Variants in TRDN observed in about 807,000 individuals in gnomAD.
TRDN encodes the protein triadin in skeletal muscle.
In TRDN, 161 loss-of-function variants were observed where a neutral mutation model predicts 149.7. That is an observed-to-expected ratio of 1.08 (90% CI 0.95 to 1.23). The LOEUF is 1.23. Among genes scored for constraint, TRDN ranks in the 50% most tolerant of loss-of-function variants. The pLI is 0.00. For synonymous variants in TRDN, 294 were observed against 250.5 expected (o/e 1.17, Z -1.64); for missense variants, 896 against 823.5 (o/e 1.09, Z -1.08).
intron 1 of TRDN, among the ~76,000 whole-genome samples, chr6:123,630,885 A>G (rs950128670): frequency 6.6e-6 from 1 of 151,900 alleles, no homozygotes; most frequent in Non-Finnish European, 1.5e-5. Flanking sequence ...TGGCCATATT[A>G]TTTTTAATTA....
At chr6:123,247,503 C>T (rs1776225680) in intron 38 of TRDN, among the ~76,000 whole-genome samples, 1 of 152,028 alleles carries the variant, frequency 6.6e-6, no homozygotes, top group East Asian at 1.9e-4. Flanking sequence ...TTCACAATTG[C>T]TACAAAGAGA....
intron 31 of TRDN, among the ~76,000 whole-genome samples, chr6:123,268,654 T>C (rs1186138402): frequency 1.3e-5 from 2 of 152,136 alleles, no homozygotes; most frequent in East Asian, 3.9e-4. Context: ...CCCCAAATTA[T>C]GCACCAACAC....
intron 9 of TRDN, among the ~76,000 whole-genome samples, chr6:123,481,449 A>G (rs1457792850): frequency 6.6e-6 from 1 of 150,496 alleles, no homozygotes; most frequent in Non-Finnish European, 1.5e-5. Context: ...AGTGGCAGGG[A>G]CCCTCTGTTT....
intron 9 of TRDN, among the ~76,000 whole-genome samples, chr6:123,495,142 C>A (rs960319013): frequency 9.2e-5 from 14 of 152,126 alleles, no homozygotes; most frequent in African/African-American, 3.4e-4. Flanking sequence ...CAGCCCCAAC[C>A]TCCTGGGCCC....
chr6:123,272,621 A>T (rs1162137908), intron 29 of TRDN, among the ~76,000 whole-genome samples: 1 of 152,080 alleles, frequency 6.6e-6, no homozygotes, highest in Admixed American at 6.6e-5. Flanking sequence ...ATATTTTAAT[A>T]AGCCAATCTG....
intron 12 of TRDN, among the ~76,000 whole-genome samples, chr6:123,406,857 T>G (rs1171770890): frequency 6.6e-6 from 1 of 152,078 alleles, no homozygotes; most frequent in African/African-American, 2.4e-5. Flanking sequence ...AAAACAAAAA[T>G]TGTCGTCTTT....
At chr6:123,584,467 A>G (rs1182413157) in intron 1 of TRDN, among the ~76,000 whole-genome samples, 1 of 152,092 alleles carries the variant, frequency 6.6e-6, no homozygotes, top group Non-Finnish European at 1.5e-5. Flanking sequence ...CTCTTGTGTA[A>G]GAATTCTGAC....
chr6:123,281,536 T>C (rs1434394502), intron 24 of TRDN, among the ~76,000 whole-genome samples: 1 of 152,070 alleles, frequency 6.6e-6, no homozygotes, highest in Non-Finnish European at 1.5e-5. Flanking sequence ...GGATAATACA[T>C]AGTCATATTT....
At chr6:123,378,936 C>A (rs758574450) in intron 16 of TRDN, among the ~76,000 whole-genome samples, 1 of 152,110 alleles carries the variant, frequency 6.6e-6, no homozygotes, top group South Asian at 2.1e-4. Flanking sequence ...ATAATAAGTA[C>A]TAATTTTATA....
chr6:123,368,174 T>C (rs1781186263), intron 19 of TRDN, among the ~76,000 whole-genome samples: 2 of 152,180 alleles, frequency 1.3e-5, no homozygotes, highest in Admixed American at 1.3e-4. Flanking sequence ...TGTATAGAAG[T>C]AATGCATATT....
intron 1 of TRDN, among the ~76,000 whole-genome samples, chr6:123,610,999 G>T (rs571230245): frequency 1.3e-5 from 2 of 152,134 alleles, no homozygotes; most frequent in Non-Finnish European, 2.9e-5. Context: ...ACTTTAAGCT[G>T]CTGAGTGTGA....
chr6:123,519,683 C>T (rs1264861479), intron 5 of TRDN, among the ~76,000 whole-genome samples: 1 of 151,204 alleles, frequency 6.6e-6, no homozygotes, highest in Non-Finnish European at 1.5e-5. Flanking sequence ...CTAGAACATA[C>T]TTGACTTTAG....
At chr6:123,345,661 T>C (rs1022603693) in intron 21 of TRDN, among the ~76,000 whole-genome samples, 2 of 152,104 alleles carry the variant, frequency 1.3e-5, no homozygotes, top group Non-Finnish European at 2.9e-5. Flanking sequence ...AATTGGCAGC[T>C]TGACAATACT....
intron 20 of TRDN, among the ~76,000 whole-genome samples, chr6:123,365,241 A>G (rs1306133893): frequency 1.3e-5 from 2 of 152,294 alleles, no homozygotes; most frequent in Admixed American, 6.5e-5. Context: ...TTTTTCTTAA[A>G]GAATTCACTA....
At chr6:123,463,476 T>A (rs1357069519) in intron 10 of TRDN, among the ~76,000 whole-genome samples, 1 of 152,104 alleles carries the variant, frequency 6.6e-6, no homozygotes, top group Non-Finnish European at 1.5e-5. Flanking sequence ...TGCTACTTGG[T>A]GTTTTATGAG....
chr6:123,606,948 T>A (rs764656910), intron 1 of TRDN, among the ~76,000 whole-genome samples: 4 of 152,154 alleles, frequency 2.6e-5, no homozygotes, highest in Non-Finnish European at 4.4e-5. Flanking sequence ...GATACTGAGG[T>A]CCCCTGGGAA....
intron 7 of TRDN, among the ~76,000 whole-genome samples, chr6:123,507,215 C>A (rs1055581613): frequency 4.0e-5 from 6 of 151,886 alleles, no homozygotes; most frequent in East Asian, 1.9e-4. Context: ...TATTTGCTTA[C>A]TCTAAATGAC....
In TRDN at chr6:123,605,848, T is replaced by C. The variant is rs567122892; in HGVS notation, c.22+30906A>G. ...GTAAAATTTATAACCATAGTTTAAT[T>C]AACTTTTATGCCTATTAAGCCTCCT... On this transcript the variant is annotated intron_variant, in intron 1 of 40. Coordinates refer to ENST00000334268, the MANE Select transcript of TRDN (RefSeq NM_006073.4). 2.4e-4 allele frequency among the ~76,000 whole-genome samples: 37 copies of C among 152,260 alleles called. 1 individual carries two copies. The South Asian group carries it at 7.7e-3, about 32-fold the overall frequency.
At chr6:123,589,825 C>T (rs1345152611) in intron 1 of TRDN, among the ~76,000 whole-genome samples, 1 of 152,134 alleles carries the variant, frequency 6.6e-6, no homozygotes, top group East Asian at 1.9e-4. Context: ...TTGTAGATTC[C>T]TCATATTGCC....
Sources: allele counts gnomAD v4.1 joint callset (sites outside exome capture counted in the v4.1 genomes callset), GRCh38; gene constraint gnomAD v4.1.1; transcripts MANE v1.5; gene names NCBI Gene and HGNC (gene_info 2026-07-23, HGNC 2026-07-21).